The following CADM1 variants were observed in gnomAD, a reference collection of about 807,000 sequenced individuals.
CADM1 encodes the protein TSLC-1.
In CADM1, 15 loss-of-function variants were observed where a neutral mutation model predicts 53.1. The ratio of observed to expected loss-of-function variants is 0.28; its 90% CI spans 0.19 to 0.44. The LOEUF is 0.44. Ranked by LOEUF, CADM1 falls within the 20% of genes least tolerant of loss-of-function variation. The probability of loss-of-function intolerance (pLI) is 1.00; values close to 1 mark genes in which losing one functional copy is unlikely to be tolerated. For missense variants in CADM1, 434 were observed against 611.3 expected (o/e 0.71, Z 3.06); for synonymous variants, 281 against 243.0 (o/e 1.16, Z -1.45).
chr11:115,419,757 G>A (rs909127405), intron 1 of CADM1, among the ~76,000 whole-genome samples: 2 of 152,138 alleles, frequency 1.3e-5, no homozygotes, highest in African/African-American at 4.8e-5. Context: ...CCTTAAATGG[G>A]AAAATCCAGA....
chr11:115,282,157 G>A (rs1404637811), intron 1 of CADM1, among the ~76,000 whole-genome samples: 1 of 152,134 alleles, frequency 6.6e-6, no homozygotes, highest in Middle Eastern at 3.2e-3. Context: ...AAGTACTATG[G>A]TGATGTCTTA....
chr11:115,370,790 T>C (rs939795655), intron 1 of CADM1, among the ~76,000 whole-genome samples: 5 of 152,288 alleles, frequency 3.3e-5, no homozygotes, highest in Non-Finnish European at 4.4e-5. Context: ...CTGATCCCTA[T>C]ATATTGACCT....
At chr11:115,398,515 C>T (rs1763257940) in intron 1 of CADM1, among the ~76,000 whole-genome samples, 1 of 152,186 alleles carries the variant, frequency 6.6e-6, no homozygotes, top group Admixed American at 6.5e-5. Flanking sequence ...TATACTTCCC[C>T]TCTCAGTGAA....
chr11:115,397,562 C>T (rs950248440), intron 1 of CADM1: 3 of 152,166 alleles, frequency 2.0e-5, no homozygotes, highest in African/African-American at 7.2e-5. Flanking sequence ...CATCACTAAA[C>T]TGATATGTAA....
At chr11:115,192,495 G>A (rs1939925526) in intron 9 of CADM1, among the ~76,000 whole-genome samples, 1 of 152,184 alleles carries the variant, frequency 6.6e-6, no homozygotes, top group African/African-American at 2.4e-5. Flanking sequence ...CTTATACATT[G>A]TATAAAGACT....
intron 1 of CADM1, among the ~76,000 whole-genome samples, chr11:115,386,048 C>T (rs1287528754): frequency 6.6e-6 from 1 of 152,216 alleles, no homozygotes; most frequent in African/African-American, 2.4e-5. Context: ...ATGAAAGAAG[C>T]AATTTTGAAG....
intron 1 of CADM1, among the ~76,000 whole-genome samples, chr11:115,390,012 G>GT (rs1196110948): frequency 6.6e-6 from 1 of 152,096 alleles, no homozygotes; most frequent in African/African-American, 2.4e-5. Flanking sequence ...GGAGACAGTC[G>GT]TAAGTGGTAC....
intron 1 of CADM1, among the ~76,000 whole-genome samples, chr11:115,453,739 T>A (rs1162934475): frequency 6.6e-6 from 1 of 152,200 alleles, no homozygotes; most frequent in Non-Finnish European, 1.5e-5. Flanking sequence ...GCTCAAGTGA[T>A]CTGCCCACCT....
chr11:115,353,732 T>C (rs1945794244), intron 1 of CADM1, among the ~76,000 whole-genome samples: 1 of 152,110 alleles, frequency 6.6e-6, no homozygotes, highest in Non-Finnish European at 1.5e-5. Context: ...CAGGGAGTGG[T>C]ATTCAGATTC....
chr11:115,175,468 T>A lies in CADM1; in HGVS notation c.*1006A>T. ...ACAAATTAGTGAGAAGTAAGGCCGA[T>A]TGGGAAAGGTGGATGGAATCATTTG... is the stretch of plus-strand genomic sequence containing the variant. On this transcript the variant is annotated 3_prime_UTR_variant, in exon 12 of 12. Coordinates refer to ENST00000331581, the MANE Select transcript of CADM1 (RefSeq NM_001301043.2). 1 of 985,428 alleles carries A rather than the reference T, an allele frequency of 1.0e-6. No homozygotes were observed. Among genetic ancestry groups the A allele is most frequent in the Non-Finnish European group, 1.2e-6 (1 of 829,916 alleles). The allele number at this position is 985,428 out of a possible 1,614,324, so 61.0% of individuals were successfully genotyped here. A position where few individuals can be genotyped will look rare whatever the true frequency, so the allele number is the denominator to read the frequency against.
intron 1 of CADM1, among the ~76,000 whole-genome samples, chr11:115,346,340 T>C (rs1015216610): frequency 6.6e-6 from 1 of 152,220 alleles, no homozygotes; most frequent in Non-Finnish European, 1.5e-5. Context: ...TAAAATTTCA[T>C]AAAACATTAC....
At chr11:115,293,897 T>G (rs1943976722) in intron 1 of CADM1, among the ~76,000 whole-genome samples, 1 of 152,238 alleles carries the variant, frequency 6.6e-6, no homozygotes. Flanking sequence ...CTCTATGATT[T>G]AGAATCTGAA....
At chr11:115,200,980 G>A (rs1940395990) in intron 8 of CADM1, among the ~76,000 whole-genome samples, 1 of 152,136 alleles carries the variant, frequency 6.6e-6, no homozygotes, top group Non-Finnish European at 1.5e-5. Context: ...GAAGCTAGGC[G>A]TCTGCTCCTA....
intron 10 of CADM1, among the ~76,000 whole-genome samples, chr11:115,179,392 T>C (rs1382999961): frequency 6.9e-6 from 1 of 145,428 alleles, no homozygotes; most frequent in African/African-American, 2.5e-5. Context: ...CAAGGAATAA[T>C]TGTCCATTGC....
intron 8 of CADM1, among the ~76,000 whole-genome samples, chr11:115,200,067 C>T (rs1379918925): frequency 6.6e-6 from 1 of 152,146 alleles, no homozygotes; most frequent in Non-Finnish European, 1.5e-5. Flanking sequence ...AAATTAGATC[C>T]CTTCTAAGGA....
At chr11:115,230,380 A>G (rs1288231502) in intron 4 of CADM1, among the ~76,000 whole-genome samples, 4 of 152,206 alleles carry the variant, frequency 2.6e-5, no homozygotes, top group African/African-American at 4.8e-5. Context: ...AAAATTCCAT[A>G]AAGTATGTAA....
intron 1 of CADM1, among the ~76,000 whole-genome samples, chr11:115,496,555 A>G (rs1261140632): frequency 6.6e-6 from 1 of 152,160 alleles, no homozygotes; most frequent in African/African-American, 2.4e-5. Flanking sequence ...AAGACAAAAC[A>G]GTGTGGAGTT....
intron 8 of CADM1, among the ~76,000 whole-genome samples, chr11:115,203,553 T>A (rs1329252825): frequency 6.6e-6 from 1 of 152,214 alleles, no homozygotes; most frequent in East Asian, 1.9e-4. Context: ...CACTTTTTAA[T>A]TCTGGGAAAC....
At chr11:115,363,288 T>A (rs1392167008) in intron 1 of CADM1, among the ~76,000 whole-genome samples, 1 of 152,174 alleles carries the variant, frequency 6.6e-6, no homozygotes, top group African/African-American at 2.4e-5. Context: ...CCTACCGTTT[T>A]TCTGACAGTT....
Sources: allele counts gnomAD v4.1 joint callset (sites outside exome capture counted in the v4.1 genomes callset), GRCh38; gene constraint gnomAD v4.1.1; transcripts MANE v1.5; gene names NCBI Gene and HGNC (gene_info 2026-07-23, HGNC 2026-07-21).